The following SEC16B variants were observed in gnomAD, a reference collection of about 807,000 sequenced individuals.
SEC16B encodes protein transport protein Sec16B.
A neutral mutation model predicts 141.8 loss-of-function variants in SEC16B; 115 were observed. The observed-to-expected ratio is 0.81, with a 90% CI of 0.70 to 0.95. SEC16B has a LOEUF of 0.95. SEC16B is among the 40% of genes least tolerant of loss of function. The pLI is 0.00. For missense variants in SEC16B, 1,291 were observed against 1,312.3 expected (o/e 0.98, Z 0.25); for synonymous variants, 493 against 492.5 (o/e 1.00, Z -0.01).
intron 19 of SEC16B, among the ~76,000 whole-genome samples, chr1:177,936,763 C>T (rs1650872924): frequency 6.6e-6 from 1 of 152,184 alleles, no homozygotes; most frequent in Non-Finnish European, 1.5e-5. Flanking sequence ...ATTGCTTACC[C>T]ATACTCAGCC....
intron 5 of SEC16B, among the ~76,000 whole-genome samples, chr1:177,962,954 A>C (rs574814030): frequency 6.6e-6 from 1 of 151,444 alleles, no homozygotes; most frequent in Non-Finnish European, 1.5e-5. Context: ...TAAAAAATAC[A>C]AAAATTAGCT....
chr1:177,930,625 A>T lies in SEC16B; in HGVS notation c.3031T>A (p.Cys1011Ser), dbSNP rs1344522339. The T allele has an allele frequency of 1.2e-6, 2 of 1,613,530 alleles. No homozygotes were observed. Among genetic ancestry groups the T allele is most frequent in the Admixed American group, 3.3e-5 (2 of 60,004 alleles). ...SGPESVSFELCSNPGVLLPPP... is the reference protein window; with the variant it reads ...SGPESVSFELSSNPGVLLPPP... ...GGAAGAAGAACACCAGGGTTGGAGC[A>T]GAGCTCAAAGGAAACACTCTGTGAT... Residue 1011 changes from cysteine (C) to serine (S), a missense_variant, in exon 25 of 26, where the codon TGC (cysteine) becomes AGC (serine). Around this residue, in one of 3 missense-constraint regions of SEC16B, gnomAD observed 605 missense variants for 614.1 expected, o/e 0.99. Transcript: ENST00000308284.
At chr1:177,932,347 G>A in intron 24 of SEC16B, 143 bp downstream of exon 24, 1 of 589,006 alleles carries the variant, frequency 1.7e-6, no homozygotes, top group South Asian at 2.9e-5. Context: ...GTGGTACTTT[G>A]TTATGACAGC....
intron 18 of SEC16B, 54 bp downstream of exon 18, chr1:177,939,648 G>C: frequency 7.3e-7 from 1 of 1,375,382 alleles, no homozygotes; most frequent in Non-Finnish European, 1.0e-6. Flanking sequence ...TTGTCTCGTA[G>C]AATCAGATCC....
chr1:177,948,593 C>T (rs1217659543), intron 12 of SEC16B: 2 of 1,304,108 alleles, frequency 1.5e-6, no homozygotes, highest in Non-Finnish European at 2.0e-6. Context: ...TGTACAAAGC[C>T]CCGCATCAAT....
rs1334580468 is a variant in SEC16B, at chr1:177,944,598, A to G, written c.1844T>C (p.Met615Thr). The G allele has an allele frequency of 6.2e-6, 10 of 1,613,976 alleles. No individual in the cohort carries two copies. The highest frequency in any genetic ancestry group is 8.5e-6 in the Non-Finnish European group (10 of 1,179,856). The change falls in exon 15 of 26, where the codon ATG (methionine) becomes ACG (threonine). Residue 615 changes from methionine (M) to threonine (T), a missense_variant. Around this residue, in one of 3 missense-constraint regions of SEC16B, gnomAD observed 605 missense variants for 614.1 expected, o/e 0.99. Transcript: ENST00000308284. ...QRTEIFEYCQ[M>T]LGRPKSFIPS... ...GATGAAGGATTTGGGGCGGCCCAGCATCTGACAGTACTCGAAGATTTCCGT... is the reference window on the plus strand; with the variant it reads ...GATGAAGGATTTGGGGCGGCCCAGCGTCTGACAGTACTCGAAGATTTCCGT...
chr1:177,938,942 G>GC (rs1651068608), intron 18 of SEC16B, among the ~76,000 whole-genome samples: 1 of 152,208 alleles, frequency 6.6e-6, no homozygotes, highest in Non-Finnish European at 1.5e-5. Context: ...TGGCCAACCC[G>GC]CCTGCTCCAC....
intron 19 of SEC16B, 102 bp downstream of exon 19, chr1:177,937,112 T>C: frequency 7.5e-7 from 1 of 1,332,968 alleles, no homozygotes; most frequent in Middle Eastern, 2.7e-4. Flanking sequence ...CTTTCCCAGC[T>C]CCAACCCTAC....
intron 18 of SEC16B, 66 bp from the exon 19 acceptor site, chr1:177,937,579 C>A (rs902707205): frequency 7.6e-6 from 10 of 1,311,688 alleles, no homozygotes; most frequent in Non-Finnish European, 1.0e-5. Flanking sequence ...CTGATCACAC[C>A]AGAAACATTC....
Position 177,929,371 on chromosome 1 carries a change from G to C in SEC16B, c.*487C>G, listed in dbSNP as rs1453908663. On this transcript the variant is annotated 3_prime_UTR_variant, in exon 26 of 26. Transcript: ENST00000308284. ...AATTATAAAGGGCAGCAATAATCAA[G>C]TTTCAGTATAAAAACTTTGCTAAAT... 1 of 155,852 alleles carries C rather than the reference G, an allele frequency of 6.4e-6. No individual in the cohort carries two copies. Among genetic ancestry groups the C allele is most frequent in the Admixed American group, 6.2e-5 (1 of 16,170 alleles). 9.7% of individuals were successfully genotyped at this position (155,852 alleles called of 1,614,324 possible).
At chr1:177,979,655 T>G (rs1434881926) in intron 1 of SEC16B, among the ~76,000 whole-genome samples, 4 of 152,244 alleles carry the variant, frequency 2.6e-5, no homozygotes, top group Non-Finnish European at 5.9e-5. Context: ...TCCATTTTCA[T>G]GCTGCTGATA....
chr1:177,949,469 G>A (rs1652003085), intron 12 of SEC16B, among the ~76,000 whole-genome samples: 1 of 151,364 alleles, frequency 6.6e-6, no homozygotes, highest in African/African-American at 2.4e-5. Context: ...CTCCTCGCTG[G>A]TGATTTGAAA....
In SEC16B at chr1:177,946,476, G is replaced by T. The variant is rs1557975187; in HGVS notation, c.1719C>A (p.Pro573=). 1 of 1,585,902 alleles carries T rather than the reference G, an allele frequency of 6.3e-7. No individual in the cohort carries two copies. The highest frequency in any genetic ancestry group is 2.3e-5 in the East Asian group (1 of 43,254). The part of the protein sequence containing the change: ...AHFCYLMAHV[P]FGHYTVKTDH... ...CTGTCTTCACGGTGTAGTGGCCAAA[G>T]GGCACGTGAGCCATGAGATAGCAGA... Residue 573 remains proline, a synonymous_variant, in exon 14 of 26, where the codon CCC becomes CCA. Transcript: ENST00000308284.
chr1:177,952,729 C>A (rs1027595495), intron 11 of SEC16B, among the ~76,000 whole-genome samples: 3 of 152,198 alleles, frequency 2.0e-5, no homozygotes. Flanking sequence ...GTGGGACGTT[C>A]ATTTTCAAAG....
At chr1:177,964,766 C>T (rs1265925537) in intron 4 of SEC16B, among the ~76,000 whole-genome samples, 1 of 152,164 alleles carries the variant, frequency 6.6e-6, no homozygotes, top group East Asian at 1.9e-4. Flanking sequence ...AAGGCCAACA[C>T]AGAATTAAAG....
chr1:177,955,742 T>C (rs1235463231), intron 10 of SEC16B, among the ~76,000 whole-genome samples: 2 of 152,228 alleles, frequency 1.3e-5, no homozygotes, highest in Non-Finnish European at 2.9e-5. Flanking sequence ...GTAGAGTGAA[T>C]TGGCACAATC....
chr1:177,961,873 A>G lies in SEC16B; in HGVS notation c.643-139T>C, dbSNP rs565887598. 1.5e-5 allele frequency: 13 copies of G among 842,738 alleles called. No homozygotes were observed. In the African/African-American group the frequency reaches 2.1e-4, roughly 13 times the overall value. The allele number at this position is 842,738 out of a possible 1,614,324, so 52.2% of individuals were successfully genotyped here. A position where few individuals can be genotyped will look rare whatever the true frequency, so the allele number is the denominator to read the frequency against. ...AAAAGAGATAATCAAGTTGATAGGC[A>G]TTTGCCAAAGGATATATTATGACCC... is the stretch of plus-strand genomic sequence containing the variant. On this transcript the variant is annotated intron_variant, in intron 5 of 25. Coordinates refer to ENST00000308284, the MANE Select transcript of SEC16B (RefSeq NM_033127.4).
chr1:177,959,771 A>G (rs1443855590), intron 8 of SEC16B: 1 of 154,326 alleles, frequency 6.5e-6, no homozygotes, highest in Non-Finnish European at 1.4e-5. Flanking sequence ...AGTCAGTAAG[A>G]CGCCTGAGCC....
At chr1:177,979,061 C>T (rs1420307985) in intron 1 of SEC16B, among the ~76,000 whole-genome samples, 2 of 152,014 alleles carry the variant, frequency 1.3e-5, no homozygotes, top group African/African-American at 4.8e-5. Context: ...CAGTACCAGT[C>T]ATCAAGTAGA....
Sources: allele counts gnomAD v4.1 joint callset (sites outside exome capture counted in the v4.1 genomes callset), GRCh38; gene constraint gnomAD v4.1.1; regional missense constraint gnomAD v4.1.1; transcripts MANE v1.5; gene names NCBI Gene and HGNC (gene_info 2026-07-23, HGNC 2026-07-21).